PLEKHA7: variants seen among roughly 807,000 people sequenced by gnomAD.
The protein encoded by PLEKHA7 is pleckstrin homology domain-containing family A member 7.
In PLEKHA7, 104 loss-of-function variants were observed where a neutral mutation model predicts 170.0. The ratio of observed to expected loss-of-function variants is 0.61; its 90% CI spans 0.52 to 0.72. PLEKHA7 has a LOEUF of 0.72. PLEKHA7 is among the 30% of genes least tolerant of loss of function. The pLI, the probability that PLEKHA7 is intolerant of heterozygous loss-of-function variation, is 0.00. For synonymous variants in PLEKHA7, 648 were observed against 660.8 expected, an observed-to-expected ratio of 0.98 and a Z score of 0.30; for missense variants, 1,615 against 1,671.7, an observed-to-expected ratio of 0.97 and a Z score of 0.59.
intron 13 of PLEKHA7, among the ~76,000 whole-genome samples, chr11:16,807,806 G>A (rs1849094492): frequency 1.3e-5 from 2 of 152,142 alleles, no homozygotes; most frequent in Admixed American, 1.3e-4. Flanking sequence ...TGGAATCACT[G>A]GGGGAGCTTT....
intron 19 of PLEKHA7, among the ~76,000 whole-genome samples, chr11:16,792,019 G>C (rs188861830): frequency 6.6e-6 from 1 of 152,246 alleles, no homozygotes; most frequent in Admixed American, 6.5e-5. Flanking sequence ...GAATTTTGCA[G>C]AGTTCAGGAA....
intron 3 of PLEKHA7, among the ~76,000 whole-genome samples, chr11:17,012,259 G>A (rs1435480853): frequency 2.0e-5 from 3 of 152,116 alleles, no homozygotes; most frequent in South Asian, 2.1e-4. Flanking sequence ...TCCTCACCCC[G>A]GCTCACAAAG....
At chr11:16,867,502 T>C (rs1284354277) in intron 4 of PLEKHA7, among the ~76,000 whole-genome samples, 1 of 152,118 alleles carries the variant, frequency 6.6e-6, no homozygotes, top group Admixed American at 6.5e-5. Context: ...CCCAAGACAT[T>C]AGTCTGAGAC....
At chr11:16,915,451 C>T (rs576131104) in intron 3 of PLEKHA7, among the ~76,000 whole-genome samples, 4 of 151,932 alleles carry the variant, frequency 2.6e-5, no homozygotes, top group East Asian at 1.9e-4. Context: ...CATGCTGGTG[C>T]GCTGCACCCA....
At chr11:16,975,592 C>A (rs1216177803) in intron 3 of PLEKHA7, among the ~76,000 whole-genome samples, 3 of 152,100 alleles carry the variant, frequency 2.0e-5, no homozygotes, top group South Asian at 2.1e-4. Context: ...GCTCCTGGAA[C>A]CAATCCCCAA....
chr11:16,844,694 G>C (rs759128409), intron 8 of PLEKHA7, among the ~76,000 whole-genome samples: 5 of 152,210 alleles, frequency 3.3e-5, no homozygotes, highest in Non-Finnish European at 5.9e-5. Context: ...GATGCCCCTA[G>C]GATATGGTTG....
intron 3 of PLEKHA7, among the ~76,000 whole-genome samples, chr11:16,947,101 G>C (rs1455593699): frequency 6.6e-6 from 1 of 152,110 alleles, no homozygotes; most frequent in East Asian, 1.9e-4. Context: ...CCACTGACTA[G>C]GCTACTGTTT....
At chr11:16,837,033 A>G (rs1294229096) in intron 9 of PLEKHA7, among the ~76,000 whole-genome samples, 1 of 152,154 alleles carries the variant, frequency 6.6e-6, no homozygotes, top group Non-Finnish European at 1.5e-5. Context: ...CACGTTGGCC[A>G]GGCTGGTCTC....
chr11:17,013,931 C>G, intron 3 of PLEKHA7, 58 bp downstream of exon 3: 1 of 1,426,028 alleles, frequency 7.0e-7, no homozygotes, highest in Non-Finnish European at 9.1e-7. Context: ...CCGGCGGGAA[C>G]GGGGAGGGAC....
intron 4 of PLEKHA7, among the ~76,000 whole-genome samples, chr11:16,858,018 C>T (rs1853614806): frequency 6.6e-6 from 1 of 152,214 alleles, no homozygotes; most frequent in African/African-American, 2.4e-5. Context: ...AGCACCTGGC[C>T]TGTTTGGGAT....
rs186075977 is a variant in PLEKHA7, at chr11:16,934,141, C to T, written c.222-62959G>A. ...CCGGCTTGGGAGAAGAGGACTTCAC[C>T]GTCCCCTTCCACTTCAACACTCCCT... On this transcript the variant is annotated intron_variant, in intron 3 of 26. Transcript: ENST00000531066. Among the ~76,000 whole-genome samples, 224 of 152,246 alleles carry T rather than the reference C, an allele frequency of 1.5e-3. 2 individuals carry two copies. Among genetic ancestry groups the T allele is most frequent in the African/African-American group, 4.9e-3 (205 of 41,544 alleles).
intron 3 of PLEKHA7, among the ~76,000 whole-genome samples, chr11:17,010,814 C>T (rs1373296243): frequency 6.6e-6 from 1 of 152,090 alleles, no homozygotes; most frequent in Non-Finnish European, 1.5e-5. Flanking sequence ...TTCAGAAATG[C>T]TCACGGCAAA....
At chr11:16,915,212 A>T (rs1858548411) in intron 3 of PLEKHA7, among the ~76,000 whole-genome samples, 1 of 152,144 alleles carries the variant, frequency 6.6e-6, no homozygotes, top group Non-Finnish European at 1.5e-5. Flanking sequence ...TGAACTCACA[A>T]CATCTCTGAG....
chr11:16,806,252 G>A (rs560613399), intron 13 of PLEKHA7, among the ~76,000 whole-genome samples: 28 of 152,342 alleles, frequency 1.8e-4, no homozygotes, highest in Non-Finnish European at 2.6e-4. Flanking sequence ...TCAGAGGACC[G>A]TTAAGCTTCT....
At chr11:16,807,447 C>CT (rs1179823592) in intron 13 of PLEKHA7, among the ~76,000 whole-genome samples, 1 of 152,162 alleles carries the variant, frequency 6.6e-6, no homozygotes, top group Non-Finnish European at 1.5e-5. Flanking sequence ...CAGCTCTCTC[C>CT]TTTTTATAAA....
intron 3 of PLEKHA7, among the ~76,000 whole-genome samples, chr11:17,008,489 A>G (rs1237205658): frequency 6.6e-6 from 1 of 152,232 alleles, no homozygotes; most frequent in African/African-American, 2.4e-5. Flanking sequence ...CAGCCTTGAC[A>G]GGCCTGTTCC....
At chr11:16,929,041 T>C (rs1859750536) in intron 3 of PLEKHA7, among the ~76,000 whole-genome samples, 1 of 152,232 alleles carries the variant, frequency 6.6e-6, no homozygotes, top group Non-Finnish European at 1.5e-5. Context: ...AAACATATAG[T>C]ACTTTGGTAA....
At chr11:16,907,158 G>T (rs1163468502) in intron 3 of PLEKHA7, among the ~76,000 whole-genome samples, 3 of 91,594 alleles carry the variant, frequency 3.3e-5, no homozygotes, top group South Asian at 3.7e-4. Context: ...CCGGAAGGGA[G>T]GTGGGGGGGT....
chr11:16,803,127 C>G (rs1848711516), intron 14 of PLEKHA7, 75 bp from the exon 15 acceptor site: 3 of 1,562,724 alleles, frequency 1.9e-6, no homozygotes, highest in African/African-American at 1.4e-5. Context: ...AATCAGACAG[C>G]CTTTGGCTAC....
Sources: allele counts gnomAD v4.1 joint callset (sites outside exome capture counted in the v4.1 genomes callset), GRCh38; gene constraint gnomAD v4.1.1; transcripts MANE v1.5; gene names NCBI Gene and HGNC (gene_info 2026-07-23, HGNC 2026-07-21).